MID2: variants seen among roughly 807,000 people sequenced by gnomAD.
MID2 encodes probable E3 ubiquitin-protein ligase MID2.
Under a neutral mutation model 46.1 loss-of-function variants are expected in MID2, and 13 were observed. That is an observed-to-expected ratio of 0.28 (90% CI 0.18 to 0.45). The LOEUF (loss-of-function observed/expected upper bound fraction) is 0.45. Ranked by LOEUF, MID2 falls within the 20% of genes least tolerant of loss-of-function variation. The probability of loss-of-function intolerance (pLI) is 1.00; values close to 1 mark genes in which losing one functional copy is unlikely to be tolerated. For missense variants in MID2, 431 were observed against 575.4 expected (o/e 0.75, Z 2.57); for synonymous variants, 199 against 212.3 (o/e 0.94, Z 0.55).
At chrX:107,886,309 AG>A (rs770472079) in intron 3 of MID2, among the ~76,000 whole-genome samples, 10 of 112,120 alleles carry the variant, frequency 8.9e-5, no homozygotes, top group Non-Finnish European at 1.5e-4. Flanking sequence ...ATAAGGTGTA[AG>A]GAAGGGATCC....
intron 5 of MID2, among the ~76,000 whole-genome samples, chrX:107,910,993 A>G (rs1932889316): frequency 9.7e-6 from 1 of 102,753 alleles, no homozygotes; most frequent in Non-Finnish European, 2.0e-5. Context: ...AGCTGGGACT[A>G]CAGGCTCACG....
At chrX:107,866,137 G>C (rs909363200) in intron 3 of MID2, among the ~76,000 whole-genome samples, 4 of 111,814 alleles carry the variant, frequency 3.6e-5, no homozygotes, top group Admixed American at 9.5e-5. Flanking sequence ...GAAGAGCTTT[G>C]AATCTTCTAG....
chrX:107,836,264 T>C (rs1183582477), intron 1 of MID2, among the ~76,000 whole-genome samples: 2 of 111,776 alleles, frequency 1.8e-5, no homozygotes, highest in East Asian at 5.5e-4. Context: ...AAGTTACTTT[T>C]TTTTTTTTTG....
intron 9 of MID2, 59 bp downstream of exon 9, chrX:107,926,360 T>G: frequency 3.2e-6 from 3 of 950,932 alleles, no homozygotes; most frequent in Non-Finnish European, 4.5e-6. Flanking sequence ...TCCTAGGAGA[T>G]TCAATTCTAT....
intron 1 of MID2, among the ~76,000 whole-genome samples, chrX:107,829,271 A>C (rs1342214491): frequency 8.9e-6 from 1 of 112,062 alleles, no homozygotes; most frequent in Non-Finnish European, 1.9e-5. Flanking sequence ...GAAAACCTTT[A>C]GCTTCCCACC....
chrX:107,861,132 G>C (rs1931843402), intron 3 of MID2, among the ~76,000 whole-genome samples: 1 of 111,790 alleles, frequency 8.9e-6, no homozygotes. Context: ...GAGCAGTCAA[G>C]AGACGAGGAA....
intron 1 of MID2, among the ~76,000 whole-genome samples, chrX:107,831,523 A>T (rs1462848510): frequency 8.9e-6 from 1 of 112,158 alleles, no homozygotes; most frequent in African/African-American, 3.2e-5. Flanking sequence ...CAGATCCTTG[A>T]TCACTTTGTG....
chrX:107,894,224 T>C (rs1322891159), intron 3 of MID2, among the ~76,000 whole-genome samples: 1 of 111,380 alleles, frequency 9.0e-6, no homozygotes, highest in Non-Finnish European at 1.9e-5. Context: ...AGCACATGGC[T>C]TGGTACACGA....
chrX:107,918,718 T>C (rs1353557542), intron 7 of MID2, among the ~76,000 whole-genome samples: 1 of 111,823 alleles, frequency 8.9e-6, no homozygotes, highest in Admixed American at 9.5e-5. Context: ...TTTCTTCAGA[T>C]TGTGAAGTCA....
chrX:107,831,546 T>C (rs1931090016), intron 1 of MID2, among the ~76,000 whole-genome samples: 1 of 112,137 alleles, frequency 8.9e-6, no homozygotes, highest in Non-Finnish European at 1.9e-5. Context: ...TAGCCCTTTG[T>C]TCAGTGTTGC....
chrX:107,896,326 T>C (rs1342545142), intron 3 of MID2: 1 of 112,057 alleles, frequency 8.9e-6, no homozygotes, highest in Non-Finnish European at 1.9e-5. Context: ...ATCATGCCAC[T>C]GCACTCCAGC....
At chrX:107,898,592 A>T (rs953445230) in intron 3 of MID2, among the ~76,000 whole-genome samples, 3 of 112,239 alleles carry the variant, frequency 2.7e-5, no homozygotes, top group Admixed American at 9.5e-5. Context: ...ATTCACACTC[A>T]TAGTCTCTAC....
At chrX:107,830,878 C>G (rs1931075484) in intron 1 of MID2, among the ~76,000 whole-genome samples, 2 of 111,424 alleles carry the variant, frequency 1.8e-5, no homozygotes, top group African/African-American at 3.3e-5. Context: ...TAAAACTCTG[C>G]TAAGAGTTTT....
At chrX:107,872,588 A>G (rs1294085648) in intron 3 of MID2, among the ~76,000 whole-genome samples, 2 of 112,216 alleles carry the variant, frequency 1.8e-5, no homozygotes, top group African/African-American at 6.5e-5. Context: ...TTACTCGGGT[A>G]TAGTGAATAC....
At chrX:107,902,668 G>C (rs571191381) in intron 3 of MID2, among the ~76,000 whole-genome samples, 1 of 111,380 alleles carries the variant, frequency 9.0e-6, no homozygotes, top group Non-Finnish European at 1.9e-5. Context: ...TATGAGAGAG[G>C]GGGTAGTAGG....
intron 1 of MID2, 45 bp from the exon 2 acceptor site, chrX:107,840,625 T>C: frequency 9.6e-7 from 1 of 1,041,025 alleles, no homozygotes; most frequent in Non-Finnish European, 1.3e-6. Context: ...TATATCCATT[T>C]TCCTTTGGAA....
chrX:107,926,343 A>G, intron 9 of MID2, 42 bp downstream of exon 9: 1 of 1,051,784 alleles, frequency 9.5e-7, no homozygotes, highest in Non-Finnish European at 1.3e-6. Context: ...GTCCTCTGTC[A>G]TTAGGTTCCT....
intron 6 of MID2, 150 bp from the exon 7 acceptor site, chrX:107,917,356 G>T: frequency 4.0e-6 from 2 of 498,965 alleles, no homozygotes; most frequent in Non-Finnish European, 6.9e-6. Flanking sequence ...CCAGCATTTT[G>T]CTTCAGGTTG....
At chrX:107,871,713 TC>T (rs1219232837) in intron 3 of MID2, among the ~76,000 whole-genome samples, 2 of 109,975 alleles carry the variant, frequency 1.8e-5, no homozygotes, top group African/African-American at 6.6e-5. Flanking sequence ...TCCCCCAGAG[TC>T]TAGCTGTCCC....
Sources: allele counts gnomAD v4.1 joint callset (sites outside exome capture counted in the v4.1 genomes callset), GRCh38; gene constraint gnomAD v4.1.1; transcripts MANE v1.5; gene names NCBI Gene and HGNC (gene_info 2026-07-23, HGNC 2026-07-21).